The following CEP57 variants were observed in gnomAD, a reference collection of about 807,000 sequenced individuals.
The protein encoded by CEP57 is centrosomal protein 57, also known as centrosomal protein of 57 kDa.
In CEP57, 40 loss-of-function variants were observed where a neutral mutation model predicts 68.0. That is an observed-to-expected ratio of 0.59 (90% CI 0.46 to 0.77). The LOEUF (loss-of-function observed/expected upper bound fraction) is 0.77. CEP57 is among the 30% of genes least tolerant of loss of function. The pLI is 0.00. For missense variants in CEP57, 606 were observed against 580.7 expected (o/e 1.04, Z -0.45); for synonymous variants, 219 against 198.7 (o/e 1.10, Z -0.86).
chr11:95,824,625 A>G (rs372063568), intron 8 of CEP57, among the ~76,000 whole-genome samples: 3 of 152,350 alleles, frequency 2.0e-5, no homozygotes, highest in Admixed American at 1.3e-4. Context: ...GAGAAAGGGT[A>G]TCTTCCTGAA....
chr11:95,801,047 A>G (rs984088337), intron 2 of CEP57, among the ~76,000 whole-genome samples: 5 of 152,216 alleles, frequency 3.3e-5, no homozygotes, highest in Admixed American at 6.5e-5. Flanking sequence ...AGGCATTTGT[A>G]AATTAGTTGA....
rs1228627268 is a variant in CEP57 at position 95,821,904 on chromosome 11, T to G, written c.733T>G (p.Phe245Val). 6.2e-7 allele frequency: 1 copy of G among 1,612,254 alleles called. No individual in the cohort carries two copies. Among genetic ancestry groups the G allele is most frequent in the Non-Finnish European group, 8.5e-7 (1 of 1,179,462 alleles). ...TGGTCTAGAAACAAATAGACTTATC[T>G]TTGAAGATAAGGCAACTCCGTGTGT... ...QTGLETNRLIFEDKATPCVPN... is the reference protein window; with the variant it reads ...QTGLETNRLIVEDKATPCVPN... The change falls in exon 7 of 11, where the codon TTT becomes GTT. Residue 245 changes from phenylalanine (F) to valine (V), a missense_variant. By Grantham distance (50) the Phe-to-Val change is conservative. Coordinates refer to ENST00000325542, the MANE Select transcript of CEP57 (RefSeq NM_014679.5).
chr11:95,802,135 A>G (rs953261136), intron 2 of CEP57, among the ~76,000 whole-genome samples: 2 of 152,198 alleles, frequency 1.3e-5, no homozygotes, highest in East Asian at 3.8e-4. Flanking sequence ...AAGGAGAGGA[A>G]AACCTCTCAG....
At chr11:95,790,470 G>C (rs999837431), upstream of CEP57, 4 of 597,778 alleles carry the variant, frequency 6.7e-6, no homozygotes, top group African/African-American at 7.4e-5. Flanking sequence ...TGATTGGCTA[G>C]GAAAGACGTC....
chr11:95,817,967 T>C, intron 5 of CEP57, 64 bp downstream of exon 5: 1 of 901,472 alleles, frequency 1.1e-6, no homozygotes, highest in Non-Finnish European at 1.9e-6. Context: ...ATGTTAATTA[T>C]TTTACATCAC....
intron 1 of CEP57, among the ~76,000 whole-genome samples, chr11:95,796,113 G>C (rs751062273): frequency 6.6e-6 from 1 of 152,082 alleles, no homozygotes; most frequent in South Asian, 2.1e-4. Flanking sequence ...TTTTATCTAG[G>C]TAATATCTTG....
At chr11:95,800,572 A>C (rs964944370) in intron 2 of CEP57, among the ~76,000 whole-genome samples, 3 of 151,802 alleles carry the variant, frequency 2.0e-5, no homozygotes, top group Non-Finnish European at 4.4e-5. Flanking sequence ...TTGTATTTTT[A>C]GTAGGGACGA....
intron 1 of CEP57, among the ~76,000 whole-genome samples, chr11:95,793,553 G>A (rs28449248): frequency 7.3e-6 from 1 of 137,500 alleles, no homozygotes; most frequent in Non-Finnish European, 1.6e-5. Flanking sequence ...ATGTTCCTCT[G>A]TGTCTTCTTT....
Position 95,831,339 on chromosome 11 carries a change from C to G in CEP57, c.*83C>G, listed in dbSNP as rs1862999355. The G allele has an allele frequency of 3.0e-6, 3 of 988,772 alleles. No individual in the cohort carries two copies. The highest frequency in any genetic ancestry group is 4.7e-6 in the Non-Finnish European group (3 of 633,838). The allele number at this position is 988,772 out of a possible 1,614,324, so 61.2% of individuals were successfully genotyped here. A position where few individuals can be genotyped will look rare whatever the true frequency, so the allele number is the denominator to read the frequency against. On this transcript the variant is annotated 3_prime_UTR_variant, in exon 11 of 11. Coordinates refer to ENST00000325542, the MANE Select transcript of CEP57 (RefSeq NM_014679.5). ...GACAATTTACTTCCCAGGTCTCATA[C>G]TCACTTATGTTGGAATTAATTAATA... is the stretch of plus-strand genomic sequence containing the variant.
chr11:95,812,136 C>T (rs963149992), intron 2 of CEP57, among the ~76,000 whole-genome samples: 8 of 151,906 alleles, frequency 5.3e-5, no homozygotes, highest in Non-Finnish European at 1.2e-4. Context: ...ACTTAAAATG[C>T]GGATTTTAAA....
chr11:95,826,403 A>G (rs1862744832), intron 8 of CEP57: 1 of 152,180 alleles, frequency 6.6e-6, no homozygotes, highest in South Asian at 2.1e-4. Flanking sequence ...CCATGGACAC[A>G]TAGTGGGGAA....
chr11:95,823,194 G>A (rs1016869465), intron 8 of CEP57: 1 of 152,300 alleles, frequency 6.6e-6, no homozygotes, highest in African/African-American at 2.4e-5. Context: ...ATCTTGGGAA[G>A]TAAATGTTCT....
At chr11:95,812,124 G>T (rs1015041226) in intron 2 of CEP57, among the ~76,000 whole-genome samples, 2 of 152,144 alleles carry the variant, frequency 1.3e-5, no homozygotes, top group Admixed American at 6.5e-5. Flanking sequence ...ACTTTAGAAA[G>T]TACTTAAAAT....
In CEP57 at chr11:95,790,543, T is replaced by C; in HGVS notation, c.-156T>C. On this transcript the variant is annotated 5_prime_UTR_variant, in exon 1 of 11. Transcript: ENST00000325542. Reference sequence around the variant, plus strand: ...CGTAGGCGGCCCTGAGGGGGTGTGTTGCAGGGGTTTCCAAGCCCAGCACCA... The same window carrying C: ...CGTAGGCGGCCCTGAGGGGGTGTGTCGCAGGGGTTTCCAAGCCCAGCACCA... The C allele has an allele frequency of 4.9e-6, 4 of 810,590 alleles. No individual in the cohort carries two copies. Among genetic ancestry groups the C allele is most frequent in the Non-Finnish European group, 8.1e-6 (4 of 495,376 alleles). The allele number at this position is 810,590 out of a possible 1,614,324, so 50.2% of individuals were successfully genotyped here.
chr11:95,817,662 CTTAATG>C (rs1359253621), intron 4 of CEP57, 119 bp from the exon 5 acceptor site: 28 of 723,990 alleles, frequency 3.9e-5, no homozygotes, highest in Non-Finnish European at 6.6e-5. Context: ...ATGGTTTCAT[CTTAATG>C]TTATTTTCCT....
intron 8 of CEP57, among the ~76,000 whole-genome samples, chr11:95,825,455 G>C (rs1366432499): frequency 3.3e-5 from 5 of 152,204 alleles, no homozygotes; most frequent in Non-Finnish European, 5.9e-5. Context: ...GGAATTAACA[G>C]AAGATGACTG....
At chr11:95,814,085 C>G (rs1862194314) in intron 4 of CEP57, among the ~76,000 whole-genome samples, 4 of 140,030 alleles carry the variant, frequency 2.9e-5, no homozygotes, top group Non-Finnish European at 4.9e-5. Flanking sequence ...CTCTGTCTCA[C>G]TCTGTCACCC....
intron 2 of CEP57, among the ~76,000 whole-genome samples, chr11:95,807,746 G>A (rs1290901812): frequency 6.6e-6 from 1 of 152,198 alleles, no homozygotes; most frequent in Non-Finnish European, 1.5e-5. Context: ...CCTCTGATTG[G>A]TGTACCTGAA....
At chr11:95,793,239 C>T (rs1861179715) in intron 1 of CEP57, among the ~76,000 whole-genome samples, 1 of 152,138 alleles carries the variant, frequency 6.6e-6, no homozygotes, top group Non-Finnish European at 1.5e-5. Context: ...TAAACTTCGA[C>T]TGGTGGAAAA....
Sources: gnomAD v4.1 joint callset for allele counts (sites outside exome capture counted in the v4.1 genomes callset) on GRCh38, gnomAD v4.1.1 for gene constraint, MANE v1.5 for transcripts, NCBI Gene and HGNC (gene_info 2026-07-23, HGNC 2026-07-21) for gene names.